The following FRMD6 variants were observed in gnomAD, a reference collection of about 807,000 sequenced individuals.
The protein encoded by FRMD6 is FERM domain containing 6.
In FRMD6, 37 loss-of-function variants were observed where a neutral mutation model predicts 73.2. That is an observed-to-expected ratio of 0.51 (90% confidence interval 0.39 to 0.66). FRMD6 has a LOEUF of 0.66. Ranked by LOEUF, FRMD6 falls within the 30% of genes least tolerant of loss-of-function variation. The probability of loss-of-function intolerance (pLI) is 0.00; values close to 1 mark genes in which losing one functional copy is unlikely to be tolerated. For synonymous variants in FRMD6, 273 were observed against 282.2 expected (o/e 0.97, Z 0.33); for missense variants, 714 against 780.5 (o/e 0.91, Z 1.02).
At chr14:51,712,580 AAAGTCTCATTAATTGCTTACTTTT>A in intron 9 of FRMD6, 29 bp downstream of exon 9, 1 of 1,403,770 alleles carries the variant, frequency 7.1e-7, no homozygotes, top group Non-Finnish European at 1.0e-6. Context: ...GCTTAAAAGA[AAAGTCTCATTAATTGCTTACTTTT>A]TTGGGTTTCT....
chr14:51,691,418 A>G (rs1340572061), intron 2 of FRMD6, among the ~76,000 whole-genome samples: 2 of 152,218 alleles, frequency 1.3e-5, no homozygotes, highest in East Asian at 1.9e-4. Flanking sequence ...ATTTTATGGT[A>G]ATCAGTGTCA....
At chr14:51,560,791 C>G (rs907340310) in intron 1 of FRMD6, among the ~76,000 whole-genome samples, 3 of 152,088 alleles carry the variant, frequency 2.0e-5, no homozygotes, top group African/African-American at 7.2e-5. Context: ...GCTGATCTCA[C>G]TTTTTTTAGT....
intron 2 of FRMD6, among the ~76,000 whole-genome samples, chr14:51,586,069 T>A (rs540145842): frequency 7.3e-5 from 11 of 150,980 alleles, no homozygotes; most frequent in African/African-American, 2.7e-4. Flanking sequence ...CTTTTTGATA[T>A]AATAATTTCT....
At chr14:51,580,641 A>G (rs1006648811) in intron 2 of FRMD6, among the ~76,000 whole-genome samples, 1 of 152,216 alleles carries the variant, frequency 6.6e-6, no homozygotes. Context: ...ATGTGGAAGC[A>G]TCGTAAAAAA....
intron 1 of FRMD6, among the ~76,000 whole-genome samples, chr14:51,663,268 T>C (rs562876265): frequency 6.6e-6 from 1 of 152,322 alleles, no homozygotes; most frequent in South Asian, 2.1e-4. Flanking sequence ...ACTGGGTATA[T>C]ACCCAAAGGA....
chr14:51,712,090 A>G (rs1258019207), intron 8 of FRMD6, among the ~76,000 whole-genome samples: 1 of 152,212 alleles, frequency 6.6e-6, no homozygotes, highest in East Asian at 1.9e-4. Flanking sequence ...GCAGCCATCA[A>G]AAAGGGAGAC....
At chr14:51,564,792 G>C (rs1228397029) in intron 1 of FRMD6, among the ~76,000 whole-genome samples, 1 of 152,088 alleles carries the variant, frequency 6.6e-6, no homozygotes, top group South Asian at 2.1e-4. Context: ...CTAAAAATCA[G>C]GTACCATGTC....
At chr14:51,641,558 G>A (rs988608642) in intron 2 of FRMD6, among the ~76,000 whole-genome samples, 2 of 152,206 alleles carry the variant, frequency 1.3e-5, no homozygotes, top group African/African-American at 2.4e-5. Flanking sequence ...TTAGGGGAAC[G>A]GTGGAGGCAG....
intron 1 of FRMD6, among the ~76,000 whole-genome samples, chr14:51,557,309 T>C (rs1288557159): frequency 6.6e-6 from 1 of 152,088 alleles, no homozygotes; most frequent in East Asian, 1.9e-4. Flanking sequence ...TTATTCAGCC[T>C]TTAAAGAGAA....
chr14:51,408,850 A>G, the FRMD6 span, among the ~76,000 whole-genome samples: 2 of 152,066 alleles, frequency 1.3e-5, no homozygotes, highest in Non-Finnish European at 2.9e-5. Context: ...TATCTTTGGC[A>G]ATTTTTTGCA....
At chr14:51,577,562 G>A (rs12434760) in intron 2 of FRMD6, among the ~76,000 whole-genome samples, 31,045 of 152,126 alleles carry the variant, frequency 0.2, 3,427 homozygotes, top group Non-Finnish European at 0.24. Flanking sequence ...AATAAACAAC[G>A]TCAATTTGAT....
chr14:51,481,568 T>C, the FRMD6 span, among the ~76,000 whole-genome samples: 1 of 152,238 alleles, frequency 6.6e-6, no homozygotes, highest in African/African-American at 2.4e-5. Context: ...AACTGCCTAC[T>C]ATTTGCAAAA....
At position 51,614,032 on chromosome 14, in the gene FRMD6, A is replaced by G. The variant is rs73290913; in HGVS notation, c.-147+43622A>G. ...GAAGCTACCACGTATCAAACACTCA[A>G]TAGCCACATGCAGTAGTGACCATTA... On this transcript the variant is annotated intron_variant, in intron 2 of 14. Transcript: ENST00000356218. Among the ~76,000 whole-genome samples, 1,245 of 152,268 alleles carry G rather than the reference A, an allele frequency of 8.2e-3. 17 individuals carry two copies. Among genetic ancestry groups the G allele is most frequent in the African/African-American group, 0.029 (1,189 of 41,544 alleles).
At chr14:51,607,391 C>T (rs1388225825) in intron 2 of FRMD6, among the ~76,000 whole-genome samples, 1 of 152,062 alleles carries the variant, frequency 6.6e-6, no homozygotes, top group Non-Finnish European at 1.5e-5. Context: ...AGGGGGCAAA[C>T]GGGGCATGGT....
chr14:51,654,106 C>T (rs1303178334), intron 1 of FRMD6, among the ~76,000 whole-genome samples: 1 of 151,986 alleles, frequency 6.6e-6, no homozygotes, highest in Non-Finnish European at 1.5e-5. Context: ...TTGGGGGCAA[C>T]AAGGGTAAGC....
intron 1 of FRMD6, among the ~76,000 whole-genome samples, chr14:51,527,907 G>A (rs1319381556): frequency 6.6e-6 from 1 of 152,148 alleles, no homozygotes; most frequent in East Asian, 1.9e-4. Flanking sequence ...GGGCCAGGCT[G>A]AGGTGGGAGG....
chr14:51,698,279 G>A (rs1235860131), intron 3 of FRMD6, 47 bp downstream of exon 3: 3 of 1,300,392 alleles, frequency 2.3e-6, no homozygotes, highest in Non-Finnish European at 3.3e-6. Context: ...CTATCCCTGA[G>A]GAAATGACAT....
At position 51,675,564 on chromosome 14, in the gene FRMD6, T is replaced by C. The variant is rs554616020; in HGVS notation, c.-146-14127T>C. Reference sequence around the variant, plus strand: ...TTAAAACTGTATAATGTTTTGTCTTTTTAAGTTTATTTAGCAACTTGTCTC... The same window carrying C: ...TTAAAACTGTATAATGTTTTGTCTTCTTAAGTTTATTTAGCAACTTGTCTC... On this transcript the variant is annotated intron_variant, in intron 1 of 13. Coordinates refer to ENST00000344768, the MANE Select transcript of FRMD6 (RefSeq NM_001267046.2). Among the ~76,000 whole-genome samples the C allele has an allele frequency of 9.7e-4, 147 of 152,320 alleles. 1 individual carries two copies. Among genetic ancestry groups the C allele is most frequent in the African/African-American group, 3.5e-3 (144 of 41,574 alleles).
chr14:51,566,539 G>A (rs1887784390), intron 1 of FRMD6, among the ~76,000 whole-genome samples: 1 of 152,090 alleles, frequency 6.6e-6, no homozygotes, highest in Non-Finnish European at 1.5e-5. Context: ...ATTTTCCCAC[G>A]TAATATTTGT....
Sources: gnomAD v4.1 joint callset for allele counts (sites outside exome capture counted in the v4.1 genomes callset) on GRCh38, gnomAD v4.1.1 for gene constraint, MANE v1.5 for transcripts, NCBI Gene and HGNC (gene_info 2026-07-23, HGNC 2026-07-21) for gene names.